The following SRFBP1 variants were observed in gnomAD, a reference collection of about 807,000 sequenced individuals.
SRFBP1 encodes the protein serum response factor binding protein 1, also known as serum response factor-binding protein 1.
Under a neutral mutation model 45.5 loss-of-function variants are expected in SRFBP1, and 47 were observed. The ratio of observed to expected loss-of-function variants is 1.03; its 90% CI spans 0.82 to 1.32. The LOEUF is 1.32. SRFBP1 is among the 40% of genes most tolerant of loss of function. The probability of loss-of-function intolerance (pLI) is 0.00; values close to 1 mark genes in which losing one functional copy is unlikely to be tolerated. For missense variants in SRFBP1, 621 were observed against 484.6 expected (o/e 1.28, Z -2.64); for synonymous variants, 203 against 166.3 (o/e 1.22, Z -1.70).
rs1038449963 is a variant in SRFBP1 at position 122,043,419 on chromosome 5, T to G, written n.311+21012T>G. 3.3e-5 allele frequency among the ~76,000 whole-genome samples: 5 copies of G among 152,260 alleles called. No homozygotes were observed. In the South Asian group the frequency reaches 1.0e-3, roughly 32 times the overall value. The stretch of plus-strand genomic sequence containing the variant: ...TTAGCAGAGACGAGGTTTCACTCTG[T>G]TGGCCAGGCTGGTCTCAAACTCCTC... On this transcript the variant is annotated intron_variant and non_coding_transcript_variant, in intron 2 of 2. Coordinates refer to the SRFBP1 transcript ENST00000504881.
chr5:122,021,835 C>A (rs1287803817), intron 6 of SRFBP1, among the ~76,000 whole-genome samples: 1 of 151,158 alleles, frequency 6.6e-6, no homozygotes, highest in Non-Finnish European at 1.5e-5. Context: ...TGCCACCACG[C>A]CCGGCTAATT....
chr5:122,021,147 A>G (rs1353041631), intron 6 of SRFBP1, among the ~76,000 whole-genome samples: 2 of 152,330 alleles, frequency 1.3e-5, no homozygotes, highest in African/African-American at 2.4e-5. Flanking sequence ...AACTTTCTGA[A>G]AAGAATATGG....
At chr5:122,078,758 G>A (rs1191836709), downstream of SRFBP1, among the ~76,000 whole-genome samples, 1 of 152,154 alleles carries the variant, frequency 6.6e-6, no homozygotes, top group Non-Finnish European at 1.5e-5. Context: ...TATGGGAAGC[G>A]CCCTCAGCAA....
At chr5:122,039,773 G>A (rs1753745150) in intron 2 of SRFBP1, among the ~76,000 whole-genome samples, 1 of 151,984 alleles carries the variant, frequency 6.6e-6, no homozygotes, top group Non-Finnish European at 1.5e-5. Flanking sequence ...TGAGATTTAG[G>A]GAGTTTATCT....
downstream of SRFBP1, chr5:122,077,561 G>T: frequency 6.2e-7 from 1 of 1,613,072 alleles, no homozygotes; most frequent in Non-Finnish European, 8.5e-7. This position sits in a 1 kb window ranked among gnomAD's most constrained non-coding sequence, Gnocchi z 4.9. Flanking sequence ...CTGGTTCTCC[G>T]CGCGCGAGGC....
At chr5:122,054,414 C>G (rs1467614231) in intron 2 of SRFBP1, among the ~76,000 whole-genome samples, 1 of 152,196 alleles carries the variant, frequency 6.6e-6, no homozygotes, top group Non-Finnish European at 1.5e-5. Flanking sequence ...CCCCTGCTGA[C>G]TTGCTGGGTC....
intron 2 of SRFBP1, among the ~76,000 whole-genome samples, chr5:122,072,174 G>T (rs1754470543): frequency 1.3e-5 from 2 of 152,110 alleles, no homozygotes; most frequent in Admixed American, 1.3e-4. Flanking sequence ...TTTACATAAT[G>T]CTTCAGTGCT....
chr5:122,074,018 T>C lies in SRFBP1; in HGVS notation n.312-1297T>C, dbSNP rs535032095. ...ATTTCAGGGTGCCAACATACCTGTG[T>C]GTGTGCAGTACATGCAAATCGCCTG... is the stretch of plus-strand genomic sequence containing the variant. On this transcript the variant is annotated intron_variant and non_coding_transcript_variant, in intron 2 of 2. Transcript: ENST00000504881. The C allele has an allele frequency of 1.1e-5, 17 of 1,613,344 alleles. No homozygotes were observed. The highest frequency in any genetic ancestry group is 1.0e-5 in the Non-Finnish European group (12 of 1,179,580).
chr5:121,970,471 T>G (rs1053095993), intron 1 of SRFBP1, among the ~76,000 whole-genome samples: 75 of 152,252 alleles, frequency 4.9e-4, no homozygotes, highest in African/African-American at 1.7e-3. Context: ...TTAGTTTATT[T>G]TATGAATAAC....
intron 4 of SRFBP1, among the ~76,000 whole-genome samples, chr5:122,006,462 A>G (rs891313675): frequency 6.6e-6 from 1 of 151,242 alleles, no homozygotes; most frequent in African/African-American, 2.5e-5. Flanking sequence ...TTTTTCTGAT[A>G]TTATTTCTTT....
At chr5:122,075,285 A>G (rs1339577745) in intron 2 of SRFBP1, 1 of 891,034 alleles carries the variant, frequency 1.1e-6, no homozygotes, top group East Asian at 2.6e-5. Context: ...AAAATTCTAA[A>G]TATAAGTAAT....
At chr5:122,015,674 G>GTTTGCCAA (rs1208465521) in intron 4 of SRFBP1, among the ~76,000 whole-genome samples, 2 of 152,222 alleles carry the variant, frequency 1.3e-5, no homozygotes, top group African/African-American at 4.8e-5. Context: ...CCATGGGCCA[G>GTTTGCCAA]TTTGCCAATT....
intron 2 of SRFBP1, among the ~76,000 whole-genome samples, chr5:122,049,844 C>A (rs1413549494): frequency 6.6e-6 from 1 of 152,174 alleles, no homozygotes; most frequent in African/African-American, 2.4e-5. Flanking sequence ...AAGGACACAA[C>A]ATACCAGAAT....
chr5:121,992,954 T>C (rs971543731), intron 3 of SRFBP1, among the ~76,000 whole-genome samples: 1 of 152,252 alleles, frequency 6.6e-6, no homozygotes, highest in East Asian at 1.9e-4. Context: ...AATTGCCCCT[T>C]GTCTCCGACC....
At chr5:122,070,962 C>T (rs1307903186) in intron 2 of SRFBP1, among the ~76,000 whole-genome samples, 1 of 152,092 alleles carries the variant, frequency 6.6e-6, no homozygotes, top group African/African-American at 2.4e-5. Flanking sequence ...TGAAATCCTC[C>T]CCAGTTTCCC....
At chr5:121,982,029 A>G (rs911669036) in intron 3 of SRFBP1, among the ~76,000 whole-genome samples, 1 of 151,836 alleles carries the variant, frequency 6.6e-6, no homozygotes, top group Non-Finnish European at 1.5e-5. Flanking sequence ...CTAAAGATAA[A>G]TGGAATACTA....
Position 122,027,661 on chromosome 5 carries a change from T to TA in SRFBP1, c.*536dup, listed in dbSNP as rs1224069737. On this transcript the variant is annotated 3_prime_UTR_variant, in exon 8 of 8. Coordinates refer to ENST00000339397, the MANE Select transcript of SRFBP1 (RefSeq NM_152546.3). ...AATAATGGAAACATAGGAAATCAGCTATTTAAACCAGATCACCCTTGTTAA... is the reference window on the plus strand; with the variant it reads ...AATAATGGAAACATAGGAAATCAGCTAATTTAAACCAGATCACCCTTGTTAA... 1 of 152,144 alleles carries TA rather than the reference T, an allele frequency of 6.6e-6. No individual in the cohort carries two copies. Among genetic ancestry groups the TA allele is most frequent in the Non-Finnish European group, 1.5e-5 (1 of 68,020 alleles). The allele number at this position is 152,144 out of a possible 1,614,324, so 9.4% of individuals were successfully genotyped here.
At chr5:121,977,888 G>A (rs546895209) in intron 3 of SRFBP1, among the ~76,000 whole-genome samples, 6 of 152,078 alleles carry the variant, frequency 3.9e-5, no homozygotes, top group Non-Finnish European at 5.9e-5. Flanking sequence ...TATAGACTAT[G>A]GTGTATGAAA....
rs768494300 is a variant in SRFBP1, at chr5:122,019,219, T to A, written c.271-41T>A. 2.6e-6 allele frequency: 4 copies of A among 1,520,266 alleles called. No homozygotes were observed. In the East Asian group the frequency reaches 9.1e-5, roughly 34 times the overall value. 94.2% of individuals were successfully genotyped at this position (1,520,266 alleles called of 1,614,324 possible). On this transcript the variant is annotated intron_variant, in intron 4 of 7. Transcript: ENST00000339397. ...TATTCACTTTCAATAGTGTCATTTT[T>A]ATTTCATTCCCATACGTTTATTATA...
Sources: gnomAD v4.1 joint callset for allele counts (sites outside exome capture counted in the v4.1 genomes callset) on GRCh38, gnomAD v4.1.1 for gene constraint, Gnocchi (gnomAD v3.1) non-coding constraint, MANE v1.5 for transcripts, NCBI Gene and HGNC (gene_info 2026-07-23, HGNC 2026-07-21) for gene names.